Variants in EPHX1 observed in about 807,000 individuals in gnomAD.
EPHX1 encodes the protein epoxide hydrolase 1, also known as epoxide hydratase.
EPHX1 carries 40 observed loss-of-function variants against 43.2 expected under a neutral mutation model. That is an observed-to-expected ratio of 0.93 (90% confidence interval 0.72 to 1.21). The LOEUF (loss-of-function observed/expected upper bound fraction) is 1.21. Among genes scored for constraint, EPHX1 ranks in the 50% most tolerant of loss-of-function variants. The pLI, the probability that EPHX1 is intolerant of heterozygous loss-of-function variation, is 0.00. For synonymous variants in EPHX1, 221 were observed against 226.7 expected (o/e 0.98, Z 0.22); for missense variants, 550 against 570.4 (o/e 0.96, Z 0.36).
intron 7 of EPHX1, among the ~76,000 whole-genome samples, chr1:225,843,442 C>T (rs564115274): frequency 6.6e-6 from 1 of 152,332 alleles, no homozygotes; most frequent in Admixed American, 6.5e-5. Flanking sequence ...TCCTCACCTC[C>T]TCCAAGAGCC....
intron 3 of EPHX1, among the ~76,000 whole-genome samples, chr1:225,834,779 A>C (rs989169194): frequency 5.9e-5 from 9 of 152,126 alleles, no homozygotes; most frequent in Non-Finnish European, 1.2e-4. Context: ...TCCTGGCACG[A>C]AATTGCCTGG....
At chr1:225,844,151 G>A (rs1413916823) in intron 7 of EPHX1, among the ~76,000 whole-genome samples, 1 of 152,292 alleles carries the variant, frequency 6.6e-6, no homozygotes, top group South Asian at 2.1e-4. Context: ...CATGCTGCCT[G>A]GTATGTGGTC....
chr1:225,845,023 T>C (rs1009319533), intron 8 of EPHX1, 123 bp from the exon 9 acceptor site: 1 of 1,085,604 alleles, frequency 9.2e-7, no homozygotes, highest in Non-Finnish European at 1.4e-6. Flanking sequence ...TTTGTCCTTT[T>C]CTTTATGGCT....
intron 3 of EPHX1, 80 bp downstream of exon 3, chr1:225,832,039 T>A: frequency 2.0e-6 from 3 of 1,502,800 alleles, no homozygotes; most frequent in Non-Finnish European, 2.8e-6. Flanking sequence ...TACAGTCAGA[T>A]AAAGTTGGAG....
chr1:225,844,412 C>G, intron 7 of EPHX1, 86 bp from the exon 8 acceptor site: 2 of 1,607,056 alleles, frequency 1.2e-6, no homozygotes, highest in East Asian at 4.5e-5. Flanking sequence ...TGGGCAGGGC[C>G]TGGCATTTGT....
In EPHX1 at chr1:225,844,545, C is replaced by CA; in HGVS notation, c.1090dup (p.Thr364AsnfsTer25). 6.2e-7 allele frequency: 1 copy of CA among 1,614,182 alleles called. No individual in the cohort carries two copies. Among genetic ancestry groups the CA allele is most frequent in the Non-Finnish European group, 8.5e-7 (1 of 1,180,032 alleles). On this transcript the variant is annotated frameshift_variant, in exon 8 of 9. Coordinates refer to ENST00000272167, the MANE Select transcript of EPHX1 (RefSeq NM_001136018.4). LOFTEE classifies it high-confidence loss of function. ...CTGACCAACGTCATGCTCTACTGGA[C>CA]AACAGGCACCATCATCTCCTCCCAG...
chr1:225,823,718 C>G (rs1667089062), intron 1 of EPHX1, among the ~76,000 whole-genome samples: 1 of 152,196 alleles, frequency 6.6e-6, no homozygotes, highest in Non-Finnish European at 1.5e-5. Flanking sequence ...GTGCCACCCC[C>G]TCCCCAGCCC....
intron 3 of EPHX1, among the ~76,000 whole-genome samples, chr1:225,834,444 C>T (rs923548623): frequency 6.6e-6 from 1 of 152,000 alleles, no homozygotes; most frequent in African/African-American, 2.4e-5. Context: ...GAAACCTCGA[C>T]TTGGAGGTGC....
intron 7 of EPHX1, among the ~76,000 whole-genome samples, chr1:225,843,263 T>A (rs1436101665): frequency 9.9e-5 from 15 of 152,212 alleles, no homozygotes; most frequent in Admixed American, 9.2e-4. Flanking sequence ...TGTATCTGAT[T>A]TGGGCCTTGG....
intron 1 of EPHX1, among the ~76,000 whole-genome samples, chr1:225,819,096 G>A (rs12098135): frequency 0.43 from 13,205 of 30,512 alleles, 2,750 homozygotes; most frequent in East Asian, 0.99. Context: ...GCGTAGTGGC[G>A]GGCGCCTGTA....
At chr1:225,816,274 T>G (rs1396664730) in intron 1 of EPHX1, among the ~76,000 whole-genome samples, 1 of 152,068 alleles carries the variant, frequency 6.6e-6, no homozygotes, top group African/African-American at 2.4e-5. Flanking sequence ...GCCTGGGCAA[T>G]AAAGCAAGGC....
intron 1 of EPHX1, among the ~76,000 whole-genome samples, chr1:225,827,917 C>CA (rs144793415): frequency 4.5e-4 from 19 of 41,946 alleles, no homozygotes; most frequent in African/African-American, 2.0e-3. Context: ...CCCCATTACC[C>CA]CGTCTGCCCT....
chr1:225,816,146 C>T (rs550076851), intron 1 of EPHX1, among the ~76,000 whole-genome samples: 4 of 152,098 alleles, frequency 2.6e-5, no homozygotes, highest in African/African-American at 7.2e-5. Flanking sequence ...AAAAATCAGC[C>T]GGGCATGGTG....
chr1:225,840,098 G>T, intron 6 of EPHX1, 61 bp downstream of exon 6: 1 of 1,553,980 alleles, frequency 6.4e-7, no homozygotes, highest in Non-Finnish European at 8.8e-7. Flanking sequence ...AGACACCCGC[G>T]GGGTAACCTC....
intron 4 of EPHX1, 29 bp from the exon 5 acceptor site, chr1:225,839,188 G>A: frequency 6.2e-7 from 1 of 1,613,844 alleles, no homozygotes; most frequent in Non-Finnish European, 8.5e-7. Flanking sequence ...GTGACTCCGT[G>A]ACTCCATGCC....
chr1:225,839,967 G>T lies in EPHX1; in HGVS notation c.861G>T (p.Glu287Asp). ...TGGAGCTGCTGTACCCCGTCAAGGA[G>T]AAGGTATTCTACAGCCTGATGAGGG... is the stretch of plus-strand genomic sequence containing the variant. The part of the protein sequence containing the change: ...RDVELLYPVK[E>D]KVFYSLMRES... The change falls in exon 6 of 9, where the codon GAG becomes GAT. Residue 287 changes from glutamate to aspartate, a missense_variant. Coordinates refer to ENST00000272167, the MANE Select transcript of EPHX1 (RefSeq NM_001136018.4). The T allele has an allele frequency of 6.2e-7, 1 of 1,614,254 alleles. No individual in the cohort carries two copies. The highest frequency in any genetic ancestry group is 8.5e-7 in the Non-Finnish European group (1 of 1,180,048).
chr1:225,827,013 G>T (rs189023844), intron 1 of EPHX1, among the ~76,000 whole-genome samples: 2 of 152,238 alleles, frequency 1.3e-5, no homozygotes, highest in Admixed American at 1.3e-4. Flanking sequence ...GAGAGCCATC[G>T]CCCTGGGTGG....
At position 225,839,366 on chromosome 1, in the gene EPHX1, G is replaced by GGTGT. The variant is rs34868815; in HGVS notation, c.722+53_722+56dup. 229,837 of 1,511,318 alleles carry GGTGT rather than the reference G, an allele frequency of 0.15. 2,738 individuals carry two copies. The highest frequency in any genetic ancestry group is 0.21 in the East Asian group (8,638 of 41,338). 93.6% of individuals were successfully genotyped at this position (1,511,318 alleles called of 1,614,324 possible). A position where few individuals can be genotyped will look rare whatever the true frequency, so the allele number is the denominator to read the frequency against. On this transcript the variant is annotated intron_variant, in intron 5 of 8. Transcript: ENST00000272167. ...GCCCAGGTGAGGTCACTGTTGGGGT[G>GGTGT]GTGTGTGTGTGTGTGTGTGTGTGTG...
At position 225,838,869 on chromosome 1, in the gene EPHX1, T is replaced by C; in HGVS notation, c.580T>C (p.Ser194Pro). The C allele has an allele frequency of 4.3e-6, 7 of 1,614,106 alleles. No individual in the cohort carries two copies. The highest frequency in any genetic ancestry group is 5.9e-6 in the Non-Finnish European group (7 of 1,179,970). The stretch of plus-strand genomic sequence containing the variant: ...CCCTGGCTATGGCTTCTCAGAGGCA[T>C]CCTCCAAGAAGGGTACGGGGCTGCT... ...SIPGYGFSEA[S>P]SKKGFNSVAT... is the part of the protein sequence containing the mutation. Residue 194 changes from serine to proline, a missense_variant, in exon 4 of 9, where the codon TCC (serine) becomes CCC (proline). Ser to Pro is a moderately conservative substitution (Grantham distance 74). Coordinates refer to ENST00000272167, the MANE Select transcript of EPHX1 (RefSeq NM_001136018.4).
Sources: gnomAD v4.1 joint callset for allele counts (sites outside exome capture counted in the v4.1 genomes callset) on GRCh38, gnomAD v4.1.1 for gene constraint, MANE v1.5 for transcripts, NCBI Gene and HGNC (gene_info 2026-07-23, HGNC 2026-07-21) for gene names.